CNGB3: variants seen among roughly 807,000 people sequenced by gnomAD.
CNGB3 encodes cyclic nucleotide gated channel subunit beta 3, also known as cyclic nucleotide-gated channel beta-3.
Under a neutral mutation model 92.8 loss-of-function variants are expected in CNGB3, and 86 were observed. The observed-to-expected ratio is 0.93, with a 90% confidence interval of 0.78 to 1.11. CNGB3 has a LOEUF of 1.11. CNGB3 is among the 50% of genes least tolerant of loss of function. The probability of loss-of-function intolerance (pLI) is 0.00; values close to 1 mark genes in which losing one functional copy is unlikely to be tolerated. For synonymous variants in CNGB3, 333 were observed against 332.7 expected, an observed-to-expected ratio of 1.00 and a Z score of -0.01; for missense variants, 1,026 against 956.8, an observed-to-expected ratio of 1.07 and a Z score of -0.95.
intron 3 of CNGB3, among the ~76,000 whole-genome samples, chr8:86,720,060 G>T (rs1438534768): frequency 6.6e-6 from 1 of 152,050 alleles, no homozygotes; most frequent in Non-Finnish European, 1.5e-5. Flanking sequence ...AATAACATCA[G>T]AAAAACCCTT....
rs1822218969 is a variant in CNGB3 at position 86,598,397 on chromosome 8, A to T, written c.1781+5696T>A. Reference sequence around the variant, plus strand: ...GACAGGTGTTGAAGGCGGAGTGTCCATGTAGGGTGAAGTAGAGTGTCAAGC... The same window carrying T: ...GACAGGTGTTGAAGGCGGAGTGTCCTTGTAGGGTGAAGTAGAGTGTCAAGC... On this transcript the variant is annotated intron_variant, in intron 15 of 17. Transcript: ENST00000320005. Among the ~76,000 whole-genome samples, 3 of 152,364 alleles carry T rather than the reference A, an allele frequency of 2.0e-5. No homozygotes were observed. The South Asian group carries it at 6.2e-4, about 32-fold the overall frequency.
chr8:86,583,921 CAAAAA>C (rs71574285), intron 15 of CNGB3, among the ~76,000 whole-genome samples: 19 of 61,180 alleles, frequency 3.1e-4, no homozygotes, highest in South Asian at 9.8e-4. Context: ...GACCTTGTCT[CAAAAA>C]AAAAAAAAAA....
intron 12 of CNGB3, 94 bp downstream of exon 12, chr8:86,628,825 T>C: frequency 7.3e-7 from 1 of 1,362,748 alleles, no homozygotes. Flanking sequence ...TTTTTCAACC[T>C]TTTGTTCAAA....
At chr8:86,740,654 A>G (rs929039220) in intron 1 of CNGB3, among the ~76,000 whole-genome samples, 1 of 152,198 alleles carries the variant, frequency 6.6e-6, no homozygotes, top group Non-Finnish European at 1.5e-5. Context: ...TGTGCCTGCT[A>G]TAGAGTTTTG....
At chr8:86,625,511 A>G (rs1432180060) in intron 13 of CNGB3, among the ~76,000 whole-genome samples, 1 of 152,096 alleles carries the variant, frequency 6.6e-6, no homozygotes, top group Non-Finnish European at 1.5e-5. Flanking sequence ...TTTTTTCCTG[A>G]AACAAAAAGC....
At chr8:86,620,540 C>T (rs1585974016) in intron 13 of CNGB3, among the ~76,000 whole-genome samples, 2 of 152,182 alleles carry the variant, frequency 1.3e-5, no homozygotes, top group African/African-American at 4.8e-5. Context: ...AACTGAATCA[C>T]CTGTTTCAGT....
chr8:86,725,400 C>A (rs924166664), intron 3 of CNGB3, among the ~76,000 whole-genome samples: 6 of 152,108 alleles, frequency 3.9e-5, no homozygotes, highest in Admixed American at 3.9e-4. Context: ...CTGTAAACAA[C>A]AACAGTTATA....
intron 6 of CNGB3, chr8:86,660,324 T>A (rs1392816789): frequency 2.8e-6 from 1 of 358,936 alleles, no homozygotes; most frequent in Non-Finnish European, 5.5e-6. Context: ...TGGGGCCATA[T>A]CAGCACGATC....
chr8:86,703,378 T>A (rs534760791), intron 3 of CNGB3, among the ~76,000 whole-genome samples: 1 of 152,326 alleles, frequency 6.6e-6, no homozygotes, highest in East Asian at 1.9e-4. Flanking sequence ...AAATAAGTGC[T>A]TTATGATAAT....
intron 7 of CNGB3, among the ~76,000 whole-genome samples, chr8:86,650,330 A>G (rs929474692): frequency 6.6e-6 from 1 of 151,458 alleles, no homozygotes; most frequent in Non-Finnish European, 1.5e-5. Context: ...TAATATTAAC[A>G]CATTGGCACA....
intron 13 of CNGB3, among the ~76,000 whole-genome samples, chr8:86,622,788 G>C (rs1822765872): frequency 6.6e-6 from 1 of 152,130 alleles, no homozygotes; most frequent in African/African-American, 2.4e-5. Flanking sequence ...TGTTGGCTTT[G>C]CTTGTTGTTT....
chr8:86,601,606 T>G (rs1822302878), intron 15 of CNGB3, among the ~76,000 whole-genome samples: 1 of 152,154 alleles, frequency 6.6e-6, no homozygotes, highest in Non-Finnish European at 1.5e-5. Flanking sequence ...GGTCACAGCA[T>G]TTTTGAGTAG....
chr8:86,599,084 G>A (rs1349414819), intron 15 of CNGB3, among the ~76,000 whole-genome samples: 1 of 152,146 alleles, frequency 6.6e-6, no homozygotes, highest in African/African-American at 2.4e-5. Flanking sequence ...GCCAAACGGA[G>A]GGACCGGCTG....
At chr8:86,716,630 A>G (rs1305560953) in intron 3 of CNGB3, among the ~76,000 whole-genome samples, 1 of 152,214 alleles carries the variant, frequency 6.6e-6, no homozygotes, top group Non-Finnish European at 1.5e-5. Flanking sequence ...AAGCATCATG[A>G]AAGAAGGAAA....
chr8:86,607,498 A>T (rs1003896182), intron 14 of CNGB3, among the ~76,000 whole-genome samples: 1 of 152,182 alleles, frequency 6.6e-6, no homozygotes, highest in Non-Finnish European at 1.5e-5. Flanking sequence ...ACTCAAGGGC[A>T]CCCCAACAGA....
chr8:86,663,208 T>C (rs1823678465), intron 6 of CNGB3, among the ~76,000 whole-genome samples: 1 of 152,160 alleles, frequency 6.6e-6, no homozygotes, highest in Admixed American at 6.5e-5. Flanking sequence ...CTAATTGACA[T>C]TGTAACTAGA....
At chr8:86,648,814 C>T (rs1441761616) in intron 7 of CNGB3, among the ~76,000 whole-genome samples, 3 of 151,086 alleles carry the variant, frequency 2.0e-5, no homozygotes, top group African/African-American at 7.3e-5. Context: ...AGGAATCCAG[C>T]AAGAGAAAGA....
chr8:86,636,761 C>T lies in CNGB3; in HGVS notation c.1179-3868G>A, dbSNP rs146859890. 3.9e-5 allele frequency among the ~76,000 whole-genome samples: 6 copies of T among 152,110 alleles called. No homozygotes were observed. In the East Asian group the frequency reaches 1.2e-3, roughly 29 times the overall value. ...CTTCCCCATTATCCCTTTCCTCCAG[C>T]CCCTGGTAACCCCCATCCTACTCTC... is the stretch of plus-strand genomic sequence containing the variant. On this transcript the variant is annotated intron_variant, in intron 10 of 17. Coordinates refer to ENST00000320005, the MANE Select transcript of CNGB3 (RefSeq NM_019098.5).
chr8:86,639,331 T>G (rs1198879461), intron 10 of CNGB3, among the ~76,000 whole-genome samples: 2 of 152,136 alleles, frequency 1.3e-5, no homozygotes, highest in Non-Finnish European at 2.9e-5. Context: ...TGTGTTCTCC[T>G]TTTGAACTAA....
Sources: allele counts gnomAD v4.1 joint callset (sites outside exome capture counted in the v4.1 genomes callset), GRCh38; gene constraint gnomAD v4.1.1; transcripts MANE v1.5; gene names NCBI Gene and HGNC (gene_info 2026-07-23, HGNC 2026-07-21).